The following TXNL1 variants were observed in gnomAD, a reference collection of about 807,000 sequenced individuals.
The protein encoded by TXNL1 is thioredoxin-like protein 1.
TXNL1 carries 14 observed loss-of-function variants against 35.5 expected under a neutral mutation model. The ratio of observed to expected loss-of-function variants is 0.39; its 90% CI spans 0.26 to 0.62. The LOEUF (loss-of-function observed/expected upper bound fraction) is 0.62, where lower values mean the gene tolerates loss of function less well. Among genes scored for constraint, TXNL1 ranks in the 20% least tolerant of loss-of-function variants. TXNL1 has a pLI of 0.47. For missense variants in TXNL1, 263 were observed against 349.7 expected, an observed-to-expected ratio of 0.75 and a Z score of 1.98; for synonymous variants, 110 against 115.5, an observed-to-expected ratio of 0.95 and a Z score of 0.31.
intron 1 of TXNL1, among the ~76,000 whole-genome samples, chr18:56,633,218 C>A (rs1000301741): frequency 6.6e-6 from 1 of 151,976 alleles, no homozygotes; most frequent in Non-Finnish European, 1.5e-5. Flanking sequence ...GAGGCCGAGG[C>A]GGACGGATCA....
At chr18:56,637,444 G>C (rs926029879) in intron 1 of TXNL1, among the ~76,000 whole-genome samples, 11 of 152,128 alleles carry the variant, frequency 7.2e-5, no homozygotes, top group African/African-American at 2.7e-4. Flanking sequence ...CATACACAAG[G>C]AGAGATCTGT....
chr18:56,615,995 G>A (rs999328000), intron 5 of TXNL1, among the ~76,000 whole-genome samples: 2 of 151,786 alleles, frequency 1.3e-5, no homozygotes, highest in African/African-American at 4.8e-5. Flanking sequence ...GCGTGGTGGC[G>A]CCTGCCTGTA....
At chr18:56,623,599 A>G (rs2144317437) in intron 3 of TXNL1, among the ~76,000 whole-genome samples, 1 of 152,302 alleles carries the variant, frequency 6.6e-6, no homozygotes, top group East Asian at 1.9e-4. Flanking sequence ...ATGAAGTGCT[A>G]CTTCCAAATT....
rs193254579 is a variant in TXNL1 at position 56,636,970 on chromosome 18, C to T, written c.98+1373G>A. 2.0e-5 allele frequency among the ~76,000 whole-genome samples: 3 copies of T among 152,240 alleles called. No homozygotes were observed. The East Asian group carries it at 5.8e-4, about 29-fold the overall frequency. ...CACAAAATTGCTAAAAATGAGAAGA[C>T]ACATTTATAGAATTCTAACATTCCT... On this transcript the variant is annotated intron_variant, in intron 1 of 7. Coordinates refer to ENST00000217515, the MANE Select transcript of TXNL1 (RefSeq NM_004786.3).
At chr18:56,634,575 T>C (rs1405967509) in intron 1 of TXNL1, among the ~76,000 whole-genome samples, 1 of 152,134 alleles carries the variant, frequency 6.6e-6, no homozygotes. Context: ...AAGACAGTGT[T>C]TTCGATAAAC....
At position 56,607,589 on chromosome 18, in the gene TXNL1, C is replaced by T. The variant is rs117330615; in HGVS notation, c.840+3404G>A. ...TTAAACCCATTGTAAAGACCAGGCA[C>T]GGTGGCTCATGCCTCTAATCCCAGT... On this transcript the variant is annotated intron_variant, in intron 7 of 7. Coordinates refer to ENST00000217515, the MANE Select transcript of TXNL1 (RefSeq NM_004786.3). Among the ~76,000 whole-genome samples the T allele has an allele frequency of 4.6e-3, 694 of 152,232 alleles. 3 individuals are homozygous for T. The highest frequency in any genetic ancestry group is 7.4e-3 in the Non-Finnish European group (503 of 68,002).
chr18:56,632,123 C>A (rs373457901), intron 1 of TXNL1, among the ~76,000 whole-genome samples: 2 of 152,196 alleles, frequency 1.3e-5, no homozygotes, highest in African/African-American at 2.4e-5. Context: ...GCATTAGCTT[C>A]TTTTTAATAC....
chr18:56,614,716 AC>A, intron 5 of TXNL1, 120 bp from the exon 6 acceptor site: 4 of 779,318 alleles, frequency 5.1e-6, no homozygotes, highest in Non-Finnish European at 7.7e-6. Context: ...ACTTCAAATA[AC>A]TCCATTATTA....
At chr18:56,612,541 G>A (rs2144293066) in intron 6 of TXNL1, among the ~76,000 whole-genome samples, 1 of 152,052 alleles carries the variant, frequency 6.6e-6, no homozygotes, top group East Asian at 1.9e-4. Flanking sequence ...TTAAAATATT[G>A]CACCTATCTC....
chr18:56,628,409 G>C (rs928230072), intron 1 of TXNL1, among the ~76,000 whole-genome samples: 25 of 152,114 alleles, frequency 1.6e-4, no homozygotes, highest in Non-Finnish European at 2.4e-4. Context: ...ATAGTTCTAA[G>C]AGTCAAAAAT....
At chr18:56,636,901 T>C (rs1278600919) in intron 1 of TXNL1, among the ~76,000 whole-genome samples, 1 of 152,220 alleles carries the variant, frequency 6.6e-6, no homozygotes, top group Non-Finnish European at 1.5e-5. Flanking sequence ...GCCTAGATAC[T>C]TAATGTACTA....
chr18:56,633,489 C>G (rs1280679409), intron 1 of TXNL1, among the ~76,000 whole-genome samples: 1 of 148,150 alleles, frequency 6.7e-6, no homozygotes, highest in Non-Finnish European at 1.5e-5. Flanking sequence ...CATAGTGGTG[C>G]GTGCCTGTAG....
In TXNL1 at chr18:56,611,050, T is replaced by C. The variant is rs763371444; in HGVS notation, c.783A>G (p.Ser261=). 1.4e-5 allele frequency: 23 copies of C among 1,608,970 alleles called. No homozygotes were observed. Among genetic ancestry groups the C allele is most frequent in the Non-Finnish European group, 2.0e-5 (23 of 1,178,448 alleles). The part of the protein sequence containing the change: ...NQGEEETTRI[S]YFTFIGTPVQ... ...CTGGAGTACCAATAAAAGTAAAATATGAAATTCTTGTTGTTTCCTCTTCAC... is the reference window on the plus strand; with the variant it reads ...CTGGAGTACCAATAAAAGTAAAATACGAAATTCTTGTTGTTTCCTCTTCAC... The change falls in exon 7 of 8, where the codon TCA becomes TCG. Residue 261 remains serine (S), a synonymous_variant. Transcript: ENST00000217515.
At chr18:56,623,394 C>T (rs2024222260) in intron 3 of TXNL1, among the ~76,000 whole-genome samples, 1 of 148,552 alleles carries the variant, frequency 6.7e-6, no homozygotes. Context: ...TGCCACTGCA[C>T]TCCAGCCTGG....
At chr18:56,613,074 G>C (rs1220984166) in intron 6 of TXNL1, among the ~76,000 whole-genome samples, 2 of 151,814 alleles carry the variant, frequency 1.3e-5, no homozygotes, top group African/African-American at 2.4e-5. Flanking sequence ...TCATGGGCTC[G>C]AGCAATCTGC....
chr18:56,608,805 A>G (rs1301666686), intron 7 of TXNL1: 1 of 152,082 alleles, frequency 6.6e-6, no homozygotes, highest in Non-Finnish European at 1.5e-5. Context: ...ACATTAGCCG[A>G]GTGTGGTGGC....
Position 56,602,647 on chromosome 18 carries a change from C to T in TXNL1, c.*380G>A, listed in dbSNP as rs576238011. 1 of 200,000 alleles carries T rather than the reference C, an allele frequency of 5.0e-6. No homozygotes were observed. Among genetic ancestry groups the T allele is most frequent in the South Asian group, 1.5e-4 (1 of 6,724 alleles). The allele number at this position is 200,000 out of a possible 1,614,324, so 12.4% of individuals were successfully genotyped here. On this transcript the variant is annotated 3_prime_UTR_variant, in exon 8 of 8. Transcript: ENST00000217515. ...GTTCCAGGTTCACTTATCAAAATAACTTGCCATGAATGTGTACACATGTAC... is the reference window on the plus strand; with the variant it reads ...GTTCCAGGTTCACTTATCAAAATAATTTGCCATGAATGTGTACACATGTAC...
chr18:56,597,491 C>G lies in TXNL1; in HGVS notation c.*5536G>C, dbSNP rs1408425907. The G allele has an allele frequency of 6.6e-6, 1 of 152,186 alleles. No homozygotes were observed. Among genetic ancestry groups the G allele is most frequent in the East Asian group, 1.9e-4 (1 of 5,196 alleles). 9.4% of individuals were successfully genotyped at this position (152,186 alleles called of 1,614,324 possible). A position where few individuals can be genotyped will look rare whatever the true frequency, so the allele number is the denominator to read the frequency against. On this transcript the variant is annotated 3_prime_UTR_variant, in exon 8 of 8. Coordinates refer to ENST00000217515, the MANE Select transcript of TXNL1 (RefSeq NM_004786.3). ...AACAACTGGACATCCCAGCTAATTT[C>G]AATATCACATTTGAAGATGGTGACT...
At chr18:56,606,061 T>C (rs563303389) in intron 7 of TXNL1, among the ~76,000 whole-genome samples, 2 of 152,318 alleles carry the variant, frequency 1.3e-5, no homozygotes, top group East Asian at 1.9e-4. Context: ...CTATAAAATA[T>C]ATGCCAAATC....
Sources: allele counts gnomAD v4.1 joint callset (sites outside exome capture counted in the v4.1 genomes callset), GRCh38; gene constraint gnomAD v4.1.1; transcripts MANE v1.5; gene names NCBI Gene and HGNC (gene_info 2026-07-23, HGNC 2026-07-21).